SLMAP: variants seen among roughly 807,000 people sequenced by gnomAD.
SLMAP encodes the protein sarcolemmal membrane-associated protein.
SLMAP carries 44 observed loss-of-function variants against 128.8 expected under a neutral mutation model. That is an observed-to-expected ratio of 0.34 (90% CI 0.27 to 0.44). The LOEUF (loss-of-function observed/expected upper bound fraction) is 0.44, where lower values mean the gene tolerates loss of function less well. Among genes scored for constraint, SLMAP ranks in the 20% least tolerant of loss-of-function variants. SLMAP has a pLI of 1.00. For synonymous variants in SLMAP, 327 were observed against 348.8 expected (o/e 0.94, Z 0.70); for missense variants, 787 against 985.3 (o/e 0.80, Z 2.69).
chr3:57,857,758 T>C lies in SLMAP; in HGVS notation c.545T>C (p.Leu182Ser). Reference protein sequence around the residue: ...LQEALHREQMLEQKLATLQRL... With the variant: ...LQEALHREQMSEQKLATLQRL... ...GAGGCCTTACATCGGGAACAAATGT[T>C]GGAACAGAAGTTAGCCACGCTTCAG... is the stretch of plus-strand genomic sequence containing the variant. Residue 182 changes from leucine (L) to serine (S), a missense_variant, in exon 7 of 25, where the codon TTG becomes TCG. By Grantham distance (145) the Leu-to-Ser change is moderately radical (BLOSUM62 -2). Transcript: ENST00000671191. The C allele has an allele frequency of 6.2e-7, 1 of 1,613,688 alleles. No individual in the cohort carries two copies. The highest frequency in any genetic ancestry group is 8.5e-7 in the Non-Finnish European group (1 of 1,179,594).
At chr3:57,769,206 T>G (rs1179065737) in intron 2 of SLMAP, among the ~76,000 whole-genome samples, 1 of 152,172 alleles carries the variant, frequency 6.6e-6, no homozygotes, top group Non-Finnish European at 1.5e-5. Context: ...TTTTATTTTT[T>G]TTTTGAGATG....
chr3:57,867,866 A>G (rs1052610045), intron 13 of SLMAP, among the ~76,000 whole-genome samples: 2 of 152,220 alleles, frequency 1.3e-5, no homozygotes, highest in East Asian at 3.8e-4. Context: ...AATATAATGT[A>G]GCTACTAAAA....
At chr3:57,908,698 A>C (rs1243580438) in intron 18 of SLMAP, among the ~76,000 whole-genome samples, 2 of 152,254 alleles carry the variant, frequency 1.3e-5, no homozygotes, top group Non-Finnish European at 2.9e-5. Context: ...TTTGGTAAAT[A>C]GCAATTATTT....
intron 2 of SLMAP, among the ~76,000 whole-genome samples, chr3:57,805,194 C>G (rs1229968897): frequency 1.3e-5 from 2 of 151,980 alleles, no homozygotes; most frequent in Non-Finnish European, 2.9e-5. Flanking sequence ...CTGGGTTTTC[C>G]TCAAATGTGT....
intron 2 of SLMAP, among the ~76,000 whole-genome samples, chr3:57,824,646 C>G (rs181196298): frequency 1.3e-5 from 2 of 152,186 alleles, no homozygotes; most frequent in Admixed American, 6.5e-5. Context: ...GTTTTGATTA[C>G]TGTACCTCTG....
intron 2 of SLMAP, among the ~76,000 whole-genome samples, chr3:57,809,213 G>A (rs936261630): frequency 6.6e-6 from 1 of 152,184 alleles, no homozygotes; most frequent in Non-Finnish European, 1.5e-5. Flanking sequence ...CTGTGGCTGT[G>A]GACCCAGGCA....
At chr3:57,832,039 G>A (rs2093369472) in intron 3 of SLMAP, among the ~76,000 whole-genome samples, 1 of 152,220 alleles carries the variant, frequency 6.6e-6, no homozygotes, top group African/African-American at 2.4e-5. Flanking sequence ...AAAAGGATGA[G>A]GCGGGGATAA....
chr3:57,788,998 T>C (rs958397338), intron 2 of SLMAP, among the ~76,000 whole-genome samples: 7 of 152,166 alleles, frequency 4.6e-5, no homozygotes, highest in African/African-American at 1.7e-4. Flanking sequence ...CAGTTTTAAT[T>C]GTTGCTGCTC....
At chr3:57,778,492 G>A (rs1213133001) in intron 2 of SLMAP, among the ~76,000 whole-genome samples, 2 of 132,902 alleles carry the variant, frequency 1.5e-5, no homozygotes, top group Admixed American at 7.3e-5. Flanking sequence ...CTGAATTTTT[G>A]TTCTTTATTA....
At chr3:57,906,310 C>CTTTTTCTTTTTTTT (rs2096549127) in intron 17 of SLMAP, among the ~76,000 whole-genome samples, 3 of 47,042 alleles carry the variant, frequency 6.4e-5, no homozygotes, top group East Asian at 9.8e-4. Context: ...CTTTTTTTTT[C>CTTTTTCTTTTTTTT]TTTTTTTTTT....
chr3:57,867,236 A>G (rs1219479729), intron 13 of SLMAP, among the ~76,000 whole-genome samples: 2 of 152,156 alleles, frequency 1.3e-5, no homozygotes, highest in African/African-American at 4.8e-5. Context: ...ATTTTATATT[A>G]ATAATGTTAG....
chr3:57,874,876 C>A (rs1328782407), intron 14 of SLMAP, among the ~76,000 whole-genome samples: 3 of 150,600 alleles, frequency 2.0e-5, no homozygotes, highest in Admixed American at 1.3e-4. Flanking sequence ...AAAAAAAAAG[C>A]TTTTTACTTT....
intron 3 of SLMAP, among the ~76,000 whole-genome samples, chr3:57,838,769 A>T (rs1314448371): frequency 6.6e-6 from 1 of 152,170 alleles, no homozygotes; most frequent in Non-Finnish European, 1.5e-5. Flanking sequence ...CAGCCTGTGT[A>T]AAAGGCATGG....
intron 21 of SLMAP, among the ~76,000 whole-genome samples, chr3:57,916,092 G>T (rs1377476601): frequency 6.6e-6 from 1 of 151,122 alleles, no homozygotes; most frequent in East Asian, 2.0e-4. Context: ...GGAGGCAGAG[G>T]TTGCAGTGAG....
intron 17 of SLMAP, among the ~76,000 whole-genome samples, chr3:57,906,304 T>TTTTTC (rs373233450): frequency 0.084 from 9,248 of 110,488 alleles, 501 homozygotes; most frequent in East Asian, 0.26. Flanking sequence ...TTTTTTCTTT[T>TTTTTC]TTTTTCTTTT....
chr3:57,774,934 A>G (rs570758949), intron 2 of SLMAP, among the ~76,000 whole-genome samples: 1 of 152,274 alleles, frequency 6.6e-6, no homozygotes, highest in South Asian at 2.1e-4. Flanking sequence ...AAAGTTAAAC[A>G]TTTTGTATAG....
intron 13 of SLMAP, among the ~76,000 whole-genome samples, chr3:57,871,033 G>T (rs1191769249): frequency 6.6e-6 from 1 of 152,084 alleles, no homozygotes; most frequent in African/African-American, 2.4e-5. Flanking sequence ...CATTTACCAA[G>T]CTCTTACTTT....
intron 2 of SLMAP, among the ~76,000 whole-genome samples, chr3:57,830,421 A>G (rs1419517131): frequency 6.6e-6 from 1 of 152,240 alleles, no homozygotes; most frequent in Non-Finnish European, 1.5e-5. Flanking sequence ...CTTAGGAAGA[A>G]ATTCAGCGAA....
rs34568039 is a variant in SLMAP, at chr3:57,848,709, C to CTTTT, written c.457-1029_457-1026dup. On this transcript the variant is annotated intron_variant, in intron 5 of 24. Coordinates refer to ENST00000671191, the MANE Select transcript of SLMAP (RefSeq NM_001377540.1). ...TTCTTCTTTCTTCCTCCTCCTACTC[C>CTTTT]TTTTTTTTTTTTTTTTTTTGAGACA... Among the ~76,000 whole-genome samples, 36 of 103,606 alleles carry CTTTT rather than the reference C, an allele frequency of 3.5e-4. 1 individual carries two copies. Among genetic ancestry groups the CTTTT allele is most frequent in the South Asian group, 7.2e-4 (2 of 2,786 alleles). 68.0% of individuals were successfully genotyped at this position (103,606 alleles called of 152,430 possible).
Sources: allele counts gnomAD v4.1 joint callset (sites outside exome capture counted in the v4.1 genomes callset), GRCh38; gene constraint gnomAD v4.1.1; transcripts MANE v1.5; gene names NCBI Gene and HGNC (gene_info 2026-07-23, HGNC 2026-07-21).